The following UBE2E3 variants were observed in gnomAD, a reference collection of about 807,000 sequenced individuals.
UBE2E3 encodes ubiquitin-conjugating enzyme E2 E3.
A neutral mutation model predicts 23.6 loss-of-function variants in UBE2E3; 5 were observed. The observed-to-expected ratio is 0.21, with a 90% CI of 0.11 to 0.44. UBE2E3 has a LOEUF of 0.44. Ranked by LOEUF, UBE2E3 falls within the 20% of genes least tolerant of loss-of-function variation. UBE2E3 has a pLI of 0.99. For synonymous variants in UBE2E3, 78 were observed against 87.5 expected, an observed-to-expected ratio of 0.89 and a Z score of 0.60; for missense variants, 81 against 249.8, an observed-to-expected ratio of 0.32 and a Z score of 4.55.
chr2:181,060,803 T>A lies in UBE2E3; in HGVS notation c.517T>A (p.Cys173Ser). 1 of 1,586,844 alleles carries A rather than the reference T, an allele frequency of 6.3e-7. No homozygotes were observed. Among genetic ancestry groups the A allele is most frequent in the Non-Finnish European group, 8.6e-7 (1 of 1,165,766 alleles). The change falls in exon 5 of 6, where the codon TGC (cysteine) becomes AGC (serine). Residue 173 changes from cysteine (C) to serine (S), a missense_variant. Cys to Ser is a moderately radical substitution (Grantham distance 112, BLOSUM62 -1). Transcript: ENST00000410062. Reference sequence around the variant, plus strand: ...GTCTATTTGTTCCCTTTTGACAGACTGCAACCCTGGTAAGCAAATCTTTAT... The same window carrying A: ...GTCTATTTGTTCCCTTTTGACAGACAGCAACCCTGGTAAGCAAATCTTTAT... ...LLSICSLLTDCNPADPLVGSI... is the reference protein window; with the variant it reads ...LLSICSLLTDSNPADPLVGSI...
chr2:181,009,285 C>CT (rs1387681616), intron 3 of UBE2E3, among the ~76,000 whole-genome samples: 1 of 151,950 alleles, frequency 6.6e-6, no homozygotes, highest in Non-Finnish European at 1.5e-5. Context: ...AATCAGTGAC[C>CT]TTTTATACTA....
chr2:181,020,284 A>G (rs1004163686), intron 3 of UBE2E3, among the ~76,000 whole-genome samples: 12 of 152,010 alleles, frequency 7.9e-5, no homozygotes, highest in African/African-American at 1.7e-4. Flanking sequence ...ACGTCACTCT[A>G]CCTCCATTGT....
intron 3 of UBE2E3, chr2:180,987,194 A>G (rs1684501836): frequency 2.2e-6 from 2 of 915,674 alleles, no homozygotes; most frequent in Non-Finnish European, 3.2e-6. Context: ...TGCTGTTTAC[A>G]TAAAGTATAA....
chr2:180,983,590 A>G (rs1486760341), intron 2 of UBE2E3, among the ~76,000 whole-genome samples: 2 of 152,346 alleles, frequency 1.3e-5, no homozygotes, highest in Admixed American at 1.3e-4. Context: ...TTTGACAGAT[A>G]AAATATTGTC....
chr2:181,023,664 C>T (rs1364401542), intron 3 of UBE2E3, among the ~76,000 whole-genome samples: 1 of 152,092 alleles, frequency 6.6e-6, no homozygotes, highest in Non-Finnish European at 1.5e-5. Flanking sequence ...AAATTGGGGG[C>T]ATCCAATATA....
chr2:181,050,481 G>T (rs952013681), intron 3 of UBE2E3, among the ~76,000 whole-genome samples: 11 of 151,848 alleles, frequency 7.2e-5, no homozygotes, highest in Non-Finnish European at 7.4e-5. Flanking sequence ...ATGGAACAAA[G>T]AATTAATAAT....
intron 3 of UBE2E3, among the ~76,000 whole-genome samples, chr2:180,999,816 A>C (rs2105589651): frequency 6.6e-6 from 1 of 152,374 alleles, no homozygotes; most frequent in Non-Finnish European, 1.5e-5. Context: ...AGAAATGTGA[A>C]TAATACCTGT....
chr2:181,036,073 G>T (rs1686269058), intron 3 of UBE2E3, among the ~76,000 whole-genome samples: 1 of 152,162 alleles, frequency 6.6e-6, no homozygotes, highest in Admixed American at 6.6e-5. Flanking sequence ...TGAAGGACTT[G>T]GCTCACAGCA....
chr2:181,048,495 T>G (rs1347447313), intron 3 of UBE2E3, among the ~76,000 whole-genome samples: 1 of 152,148 alleles, frequency 6.6e-6, no homozygotes, highest in East Asian at 1.9e-4. Flanking sequence ...TGGTTGGTTG[T>G]TATAGAGATT....
chr2:180,995,368 A>G (rs982147391), intron 3 of UBE2E3, among the ~76,000 whole-genome samples: 1 of 152,200 alleles, frequency 6.6e-6, no homozygotes, highest in Admixed American at 6.5e-5. Context: ...TAAATACAGT[A>G]TAGTACTGTA....
chr2:181,041,021 G>A (rs1045775508), intron 3 of UBE2E3, among the ~76,000 whole-genome samples: 12 of 151,910 alleles, frequency 7.9e-5, no homozygotes, highest in Non-Finnish European at 1.6e-4. Flanking sequence ...AGACCCAGGC[G>A]GGCGAATCAC....
chr2:181,001,191 TC>T (rs1167159654), intron 3 of UBE2E3, among the ~76,000 whole-genome samples: 30 of 152,328 alleles, frequency 2.0e-4, no homozygotes, highest in Admixed American at 8.5e-4. Flanking sequence ...ACTCCAGAGT[TC>T]CTTTAAAGCT....
At chr2:181,004,016 G>A (rs1685065468) in intron 3 of UBE2E3, among the ~76,000 whole-genome samples, 1 of 152,218 alleles carries the variant, frequency 6.6e-6, no homozygotes, top group South Asian at 2.1e-4. Context: ...TGAAGGTCAT[G>A]CTCTTCATCA....
intron 3 of UBE2E3, among the ~76,000 whole-genome samples, chr2:180,991,772 T>G (rs1484522285): frequency 6.6e-6 from 1 of 152,194 alleles, no homozygotes; most frequent in African/African-American, 2.4e-5. Flanking sequence ...ACTCCTGGAC[T>G]AGAGCATATA....
intron 4 of UBE2E3, among the ~76,000 whole-genome samples, chr2:181,059,543 A>G (rs148214722): frequency 6.6e-6 from 1 of 151,912 alleles, no homozygotes; most frequent in Non-Finnish European, 1.5e-5. Flanking sequence ...ACATATTAAA[A>G]ATATTGTCAT....
chr2:181,058,487 G>A (rs1559137521), intron 4 of UBE2E3, among the ~76,000 whole-genome samples: 2 of 151,608 alleles, frequency 1.3e-5, no homozygotes, highest in Non-Finnish European at 1.5e-5. Flanking sequence ...GGCTCCCTCC[G>A]CTAACTTCTG....
At chr2:181,020,257 A>G (rs899246922) in intron 3 of UBE2E3, among the ~76,000 whole-genome samples, 5 of 152,040 alleles carry the variant, frequency 3.3e-5, no homozygotes, top group Non-Finnish European at 5.9e-5. Flanking sequence ...CCTTGCCTCT[A>G]TTAGCTTGTG....
At chr2:181,022,550 A>G (rs1685739577) in intron 3 of UBE2E3, among the ~76,000 whole-genome samples, 1 of 152,102 alleles carries the variant, frequency 6.6e-6, no homozygotes, top group South Asian at 2.1e-4. Context: ...CACTATAACC[A>G]TGCCTGAAGG....
chr2:180,988,226 T>G (rs1304977979), intron 3 of UBE2E3, among the ~76,000 whole-genome samples: 3 of 152,180 alleles, frequency 2.0e-5, no homozygotes, highest in African/African-American at 4.8e-5. Flanking sequence ...TGTAGTGATG[T>G]GCTCTCACTG....
Sources: gnomAD v4.1 joint callset for allele counts (sites outside exome capture counted in the v4.1 genomes callset) on GRCh38, gnomAD v4.1.1 for gene constraint, MANE v1.5 for transcripts, NCBI Gene and HGNC (gene_info 2026-07-23, HGNC 2026-07-21) for gene names.